Variants in BPTF observed in about 807,000 individuals in gnomAD.
BPTF encodes nucleosome-remodeling factor subunit BPTF.
A neutral mutation model predicts 292.5 loss-of-function variants in BPTF; 18 were observed. That is an observed-to-expected ratio of 0.06 (90% CI 0.04 to 0.09). The LOEUF (loss-of-function observed/expected upper bound fraction) is 0.09. Among genes scored for constraint, BPTF ranks in the 10% least tolerant of loss-of-function variants. The probability of loss-of-function intolerance (pLI) is 1.00; values close to 1 mark genes in which losing one functional copy is unlikely to be tolerated. For synonymous variants in BPTF, 1,225 were observed against 1,251.9 expected, an observed-to-expected ratio of 0.98 and a Z score of 0.45; for missense variants, 2,726 against 3,498.7, an observed-to-expected ratio of 0.78 and a Z score of 5.57.
chr17:67,971,376 G>T (rs2068738934), intron 26 of BPTF, among the ~76,000 whole-genome samples: 1 of 151,806 alleles, frequency 6.6e-6, no homozygotes, highest in Admixed American at 6.6e-5. Context: ...ACCGCACCTG[G>T]CCCATTTTAG....
chr17:67,825,630 G>A lies in BPTF; in HGVS notation c.-95G>A. 1 of 158,774 alleles carries A rather than the reference G, an allele frequency of 6.3e-6. No homozygotes were observed. 9.8% of individuals were successfully genotyped at this position (158,774 alleles called of 1,614,324 possible). Reference sequence around the variant, plus strand: ...GGCCGGGCCCCTCCCGCCCGGCCCCGCGGGCCTCCCCACCCGGCCCCGGCG... The same window carrying A: ...GGCCGGGCCCCTCCCGCCCGGCCCCACGGGCCTCCCCACCCGGCCCCGGCG... On this transcript the variant is annotated 5_prime_UTR_variant, in exon 1 of 28. Coordinates refer to ENST00000306378, the MANE Select transcript of BPTF (RefSeq NM_182641.4).
chr17:67,848,656 G>A (rs2058202859), intron 1 of BPTF, among the ~76,000 whole-genome samples: 1 of 152,134 alleles, frequency 6.6e-6, no homozygotes, highest in African/African-American at 2.4e-5. Context: ...AAAAACCAAG[G>A]CATGATGAGT....
intron 21 of BPTF, 55 bp downstream of exon 21, chr17:67,946,380 C>A: frequency 6.4e-7 from 1 of 1,571,758 alleles, no homozygotes. Flanking sequence ...TTGTGCTGTG[C>A]AGTAGAATTA....
In BPTF at chr17:67,848,378, A is replaced by C. The variant is rs1281688108; in HGVS notation, c.614-5562A>C. ...GATCTGTCCTCTAAAGGAGTCAACA[A>C]ATGAGCCAGGGGGCATGAGTAATTG... On this transcript the variant is annotated intron_variant, in intron 1 of 27. Coordinates refer to ENST00000306378, the MANE Select transcript of BPTF (RefSeq NM_182641.4). 2.6e-5 allele frequency among the ~76,000 whole-genome samples: 4 copies of C among 152,224 alleles called. No homozygotes were observed. In the East Asian group the frequency reaches 7.7e-4, roughly 29 times the overall value.
chr17:67,907,117 C>G (rs1026832847), intron 9 of BPTF, among the ~76,000 whole-genome samples: 2 of 148,336 alleles, frequency 1.3e-5, no homozygotes, highest in Non-Finnish European at 3.0e-5. Context: ...CCCAGGAGTT[C>G]AAGGCTGCAG....
chr17:67,945,586 T>A lies in BPTF; in HGVS notation c.6878T>A (p.Val2293Asp). The A allele has an allele frequency of 6.2e-7, 1 of 1,611,564 alleles. No individual in the cohort carries two copies. The highest frequency in any genetic ancestry group is 8.5e-7 in the Non-Finnish European group (1 of 1,178,900). ...CCCCAGTCCCCAGCTCAGCCTGAAG[T>A]TCAGACTCAGCCTGAAGTTCAGACC... is the stretch of plus-strand genomic sequence containing the variant. ...TQPQSPAQPE[V>D]QTQPEVQTQT... is the part of the protein sequence containing the mutation. Residue 2293 changes from valine to aspartate, a missense_variant, in exon 21 of 28, where the codon GTT becomes GAT. Physicochemically the swap from Val to Asp is radical, Grantham distance 152. This residue lies in a region of BPTF where 570 missense variants were observed against 633.5 expected (regional missense o/e 0.90). Transcript: ENST00000306378.
intron 1 of BPTF, among the ~76,000 whole-genome samples, chr17:67,838,475 A>G (rs538740588): frequency 6.6e-6 from 1 of 152,072 alleles, no homozygotes; most frequent in Non-Finnish European, 1.5e-5. Flanking sequence ...AAACATGTGT[A>G]TGTACATACT....
intron 12 of BPTF, among the ~76,000 whole-genome samples, chr17:67,919,209 T>C (rs2063266639): frequency 7.3e-6 from 1 of 137,408 alleles, no homozygotes; most frequent in Admixed American, 7.1e-5. Context: ...ATAATAATAA[T>C]AATAATAATA....
chr17:67,982,499 C>A lies in BPTF; in HGVS notation c.*211C>A. The A allele has an allele frequency of 4.6e-6, 2 of 432,542 alleles. No individual in the cohort carries two copies. The highest frequency in any genetic ancestry group is 6.1e-5 in the South Asian group (1 of 16,496). 26.8% of individuals were successfully genotyped at this position (432,542 alleles called of 1,614,324 possible). The stretch of plus-strand genomic sequence containing the variant: ...AAAGTCAACGACACCATTATCTTGT[C>A]AAGATCAGATGGTTTTACTATTGTG... On this transcript the variant is annotated 3_prime_UTR_variant, in exon 28 of 28. Transcript: ENST00000306378.
At chr17:67,915,975 C>T (rs144473392) in intron 11 of BPTF, among the ~76,000 whole-genome samples, 1 of 152,216 alleles carries the variant, frequency 6.6e-6, no homozygotes, top group African/African-American at 2.4e-5. Context: ...CATTGTTTGA[C>T]CACAGAGAAT....
intron 26 of BPTF, among the ~76,000 whole-genome samples, chr17:67,969,841 G>A (rs1244881142): frequency 2.6e-5 from 4 of 151,766 alleles, no homozygotes; most frequent in African/African-American, 9.7e-5. Context: ...CAGGAGAATC[G>A]CTTGAACCCA....
chr17:67,925,614 AAG>A (rs2063802529), intron 15 of BPTF, among the ~76,000 whole-genome samples: 1 of 152,246 alleles, frequency 6.6e-6, no homozygotes, highest in Admixed American at 6.5e-5. Context: ...AAAATACTGT[AAG>A]AGTTTTTACC....
intron 18 of BPTF, among the ~76,000 whole-genome samples, chr17:67,936,458 G>T (rs560975511): frequency 2.0e-5 from 3 of 152,326 alleles, no homozygotes; most frequent in African/African-American, 7.2e-5. Context: ...AACTGTAAAT[G>T]CTGGTATTAC....
rs1467298690 is a variant in BPTF, at chr17:67,918,566, A to G, written c.5304-148A>G. The G allele has an allele frequency of 1.3e-5, 8 of 628,088 alleles. No homozygotes were observed. In the East Asian group the frequency reaches 2.6e-4, roughly 21 times the overall value. The allele number at this position is 628,088 out of a possible 1,614,324, so 38.9% of individuals were successfully genotyped here. ...GTTTTTCTTTTAAAGGACATATAATACCAAAGTCTTACAAAACCATATTAT... is the reference window on the plus strand; with the variant it reads ...GTTTTTCTTTTAAAGGACATATAATGCCAAAGTCTTACAAAACCATATTAT... On this transcript the variant is annotated intron_variant, in intron 11 of 27. Coordinates refer to ENST00000306378, the MANE Select transcript of BPTF (RefSeq NM_182641.4).
intron 1 of BPTF, among the ~76,000 whole-genome samples, chr17:67,843,339 C>T (rs1050252397): frequency 2.0e-4 from 30 of 149,842 alleles, no homozygotes; most frequent in African/African-American, 7.3e-4. Context: ...GCTTTATTGC[C>T]CAGGCTGGAG....
At chr17:67,903,700 T>G in intron 7 of BPTF, 89 bp from the exon 8 acceptor site, 1 of 1,259,672 alleles carries the variant, frequency 7.9e-7, no homozygotes, top group Non-Finnish European at 1.1e-6. Context: ...AACAGTCTGC[T>G]TTGTTTTCCT....
At chr17:67,966,047 C>G (rs1194711693) in intron 25 of BPTF, 8 of 155,672 alleles carry the variant, frequency 5.1e-5, no homozygotes, top group African/African-American at 1.7e-4. Flanking sequence ...AGAGCGAGAC[C>G]CTGTCTCAAA....
At chr17:67,928,007 C>T (rs571388871) in intron 15 of BPTF, among the ~76,000 whole-genome samples, 3 of 152,100 alleles carry the variant, frequency 2.0e-5, no homozygotes, top group Admixed American at 2.0e-4. Flanking sequence ...CCTCAGCCTC[C>T]CGAGTAGTTA....
Position 67,948,168 on chromosome 17 carries a change from AGAG to A in BPTF, c.7789_7791del (p.Glu2597del). Reference sequence around the variant, plus strand: ...AGGCAGCAAAAAAACGGAAGCGTGAAGAGAGTGTGGAGCAGAAACGTAGCAAGC... The same window carrying A: ...AGGCAGCAAAAAAACGGAAGCGTGAAAGTGTGGAGCAGAAACGTAGCAAGC... On this transcript the variant is annotated inframe_deletion, in exon 23 of 28. Transcript: ENST00000306378. 1 of 1,614,224 alleles carries A rather than the reference AGAG, an allele frequency of 6.2e-7. No individual in the cohort carries two copies. The highest frequency in any genetic ancestry group is 8.5e-7 in the Non-Finnish European group (1 of 1,180,042).
Sources: allele counts gnomAD v4.1 joint callset (sites outside exome capture counted in the v4.1 genomes callset), GRCh38; gene constraint gnomAD v4.1.1; regional missense constraint gnomAD v4.1.1; transcripts MANE v1.5; gene names NCBI Gene and HGNC (gene_info 2026-07-23, HGNC 2026-07-21).